ASB2: variants seen among roughly 807,000 people sequenced by gnomAD.
ASB2 encodes the protein ankyrin repeat and SOCS box protein 2.
A neutral mutation model predicts 62.4 loss-of-function variants in ASB2; 58 were observed. The ratio of observed to expected loss-of-function variants is 0.93; its 90% confidence interval spans 0.75 to 1.16. The LOEUF is 1.16. ASB2 is among the 50% of genes most tolerant of loss of function. The pLI, the probability that ASB2 is intolerant of heterozygous loss-of-function variation, is 0.00. For synonymous variants in ASB2, 386 were observed against 385.3 expected (o/e 1.00, Z -0.02); for missense variants, 928 against 887.9 (o/e 1.05, Z -0.57).
intron 7 of ASB2, among the ~76,000 whole-genome samples, chr14:93,945,140 A>T (rs140397997): frequency 6.6e-6 from 1 of 152,344 alleles, no homozygotes; most frequent in Non-Finnish European, 1.5e-5. Context: ...CGGATCTGAT[A>T]TGGCATTTTA....
At position 93,939,490 on chromosome 14, in the gene ASB2, C is replaced by G. The variant is rs1179189156; in HGVS notation, c.1235G>C (p.Ser412Thr). ...ERARLYEDRR[S>T]SALYFAVVNN... ...GACCACCGCGAAGTACAGCGCGGAG[C>G]TGCGCCGGTCTTCGTAGAGGCGCGC... The change falls in exon 8 of 10, where the codon AGC becomes ACC. Residue 412 changes from serine (S) to threonine (T), a missense_variant. Physicochemically the swap from Ser to Thr is moderately conservative, Grantham distance 58. Coordinates refer to ENST00000555019, the MANE Select transcript of ASB2 (RefSeq NM_001202429.2). 5.6e-6 allele frequency: 9 copies of G among 1,611,004 alleles called. No individual in the cohort carries two copies. Among genetic ancestry groups the G allele is most frequent in the African/African-American group, 2.7e-5 (2 of 74,852 alleles).
chr14:93,967,600 C>T (rs1399415471), intron 1 of ASB2, among the ~76,000 whole-genome samples: 1 of 152,236 alleles, frequency 6.6e-6, no homozygotes, highest in Non-Finnish European at 1.5e-5. Flanking sequence ...CTGTCCTACT[C>T]TGGGCCTCAG....
At chr14:93,945,540 C>G (rs1301137588) in intron 7 of ASB2, among the ~76,000 whole-genome samples, 1 of 152,198 alleles carries the variant, frequency 6.6e-6, no homozygotes, top group Non-Finnish European at 1.5e-5. Flanking sequence ...GCGGGTGTAA[C>G]CATTTCCCAT....
At chr14:93,958,427 G>C (rs919796925) in intron 2 of ASB2, among the ~76,000 whole-genome samples, 9 of 152,156 alleles carry the variant, frequency 5.9e-5, no homozygotes, top group Non-Finnish European at 1.5e-5. Context: ...TCCTCTGAAG[G>C]CCTGGCCTCT....
chr14:93,957,433 T>TAG, intron 2 of ASB2: 2 of 985,088 alleles, frequency 2.0e-6, no homozygotes, highest in Non-Finnish European at 2.4e-6. Flanking sequence ...TATAGTGTTA[T>TAG]TATAGGATGC....
chr14:93,957,289 G>A lies in ASB2; in HGVS notation c.207-419C>T, dbSNP rs535354318. 6.1e-5 allele frequency: 68 copies of A among 1,114,744 alleles called. No individual in the cohort carries two copies. The African/African-American group carries it at 9.3e-4, about 15-fold the overall frequency. The allele number at this position is 1,114,744 out of a possible 1,614,324, so 69.1% of individuals were successfully genotyped here. ...CAGGCAGATCCCTGCGGGGCTGGAT[G>A]AGAGATTCATGGCAAAGCAGAGGAT... On this transcript the variant is annotated intron_variant, in intron 2 of 9. Coordinates refer to ENST00000555019, the MANE Select transcript of ASB2 (RefSeq NM_001202429.2).
chr14:93,954,957 T>G (rs1889124527), intron 3 of ASB2: 1 of 433,260 alleles, frequency 2.3e-6, no homozygotes, highest in Non-Finnish European at 4.6e-6. Context: ...ACTGGAAGGA[T>G]TAATAAATTT....
intron 2 of ASB2, among the ~76,000 whole-genome samples, chr14:93,959,765 T>G (rs1042892413): frequency 6.6e-6 from 1 of 152,014 alleles, no homozygotes; most frequent in Non-Finnish European, 1.5e-5. Flanking sequence ...GGCAGGACAG[T>G]GCTCCTAGCC....
At chr14:93,963,427 C>G (rs1416915559) in intron 2 of ASB2, among the ~76,000 whole-genome samples, 1 of 152,172 alleles carries the variant, frequency 6.6e-6, no homozygotes, top group Non-Finnish European at 1.5e-5. Context: ...AATTTTATGG[C>G]TTATAGAGGT....
chr14:93,960,980 T>TAAAC (rs1247526535), intron 2 of ASB2, among the ~76,000 whole-genome samples: 1 of 143,538 alleles, frequency 7.0e-6, no homozygotes, highest in Non-Finnish European at 1.5e-5. Flanking sequence ...AATAAATAAA[T>TAAAC]AAATAAACAG....
intron 6 of ASB2, 54 bp from the exon 7 acceptor site, chr14:93,947,574 C>A: frequency 6.3e-7 from 1 of 1,585,162 alleles, no homozygotes. Flanking sequence ...AGTTGCTGTC[C>A]TCAATGTAAC....
chr14:93,940,983 A>C (rs1223206554), intron 7 of ASB2, among the ~76,000 whole-genome samples: 2 of 152,194 alleles, frequency 1.3e-5, no homozygotes, highest in South Asian at 2.1e-4. Flanking sequence ...GTGACAGTTA[A>C]TATATCCCGG....
chr14:93,945,391 G>A lies in ASB2; in HGVS notation c.1052+1958C>T, dbSNP rs575151163. On this transcript the variant is annotated intron_variant, in intron 7 of 9. Transcript: ENST00000555019. ...GCTGCTGTCTGAACCGCTCAATCAT[G>A]GAATGCACTCTCCCTAAGTAAGAGT... Among the ~76,000 whole-genome samples the A allele has an allele frequency of 5.9e-5, 9 of 152,318 alleles. No individual in the cohort carries two copies. The Middle Eastern group carries it at 0.014, about 230-fold the overall frequency.
chr14:93,947,358 C>T lies in ASB2; in HGVS notation c.1043G>A (p.Gly348Asp). The T allele has an allele frequency of 1.2e-6, 2 of 1,614,126 alleles. No homozygotes were observed. The highest frequency in any genetic ancestry group is 1.7e-6 in the Non-Finnish European group (2 of 1,180,030). The change falls in exon 7 of 10, where the codon GGC becomes GAC. Residue 348 changes from glycine to aspartate, a missense_variant. Coordinates refer to ENST00000555019, the MANE Select transcript of ASB2 (RefSeq NM_001202429.2). The stretch of plus-strand genomic sequence containing the variant: ...CGGAGCCTGGGCTGACCTGTAGTTG[C>T]CCTTCTTGGAGGCGATGTGCAGCGG... ...LLPLHIASKK[G>D]NYRIVQMLLP... is the part of the protein sequence containing the mutation.
chr14:93,942,375 C>A, intron 7 of ASB2: 1 of 439,300 alleles, frequency 2.3e-6, no homozygotes, highest in Non-Finnish European at 4.7e-6. Flanking sequence ...TGTCTGGGCC[C>A]TGAGACCGGA....
chr14:93,937,884 G>C, intron 8 of ASB2, 33 bp from the exon 9 acceptor site: 1 of 1,570,244 alleles, frequency 6.4e-7, no homozygotes. Flanking sequence ...CAAGAAGTGA[G>C]TTCATCCCAC....
intron 7 of ASB2, chr14:93,941,562 G>C: frequency 2.3e-6 from 1 of 436,982 alleles, no homozygotes; most frequent in Non-Finnish European, 4.6e-6. Flanking sequence ...TATTTGTGTA[G>C]GCACAGGAGG....
intron 9 of ASB2, among the ~76,000 whole-genome samples, chr14:93,935,644 G>A (rs1366204055): frequency 1.3e-5 from 2 of 152,172 alleles, no homozygotes; most frequent in African/African-American, 4.8e-5. Flanking sequence ...AACAGCAAGT[G>A]GCAAGGCAAG....
At chr14:93,957,199 C>T (rs1889257333) in intron 2 of ASB2, 2 of 1,307,212 alleles carry the variant, frequency 1.5e-6, no homozygotes, top group Non-Finnish European at 9.7e-7. Flanking sequence ...ACATTCTTCA[C>T]CCAGGAGGAT....
Sources: gnomAD v4.1 joint callset for allele counts (sites outside exome capture counted in the v4.1 genomes callset) on GRCh38, gnomAD v4.1.1 for gene constraint, MANE v1.5 for transcripts, NCBI Gene and HGNC (gene_info 2026-07-23, HGNC 2026-07-21) for gene names.